The following RANBP2 variants were observed in gnomAD, a reference collection of about 807,000 sequenced individuals.
The protein encoded by RANBP2 is RAN binding protein 2.
In RANBP2, 57 loss-of-function variants were observed where a neutral mutation model predicts 303.6. The ratio of observed to expected loss-of-function variants is 0.19; its 90% CI spans 0.15 to 0.23. The LOEUF (loss-of-function observed/expected upper bound fraction) is 0.23. Among genes scored for constraint, RANBP2 ranks in the 10% least tolerant of loss-of-function variants. The pLI, the probability that RANBP2 is intolerant of heterozygous loss-of-function variation, is 1.00. For synonymous variants in RANBP2, 1,167 were observed against 1,301.5 expected, an observed-to-expected ratio of 0.90 and a Z score of 2.23; for missense variants, 3,138 against 3,780.8, an observed-to-expected ratio of 0.83 and a Z score of 4.46.
chr2:109,631,411 T>C, the RANBP2 span, among the ~76,000 whole-genome samples: 1 of 152,192 alleles, frequency 6.6e-6, no homozygotes, highest in African/African-American at 2.4e-5. Flanking sequence ...GGAAAGTGAG[T>C]TAAGTATATA....
the RANBP2 span, among the ~76,000 whole-genome samples, chr2:109,635,246 C>T: frequency 6.6e-6 from 1 of 151,896 alleles, no homozygotes; most frequent in African/African-American, 2.4e-5. Context: ...GCAGTGGTAC[C>T]ATCTTGGCTC....
At chr2:109,665,118 G>A in the RANBP2 span, 2 of 152,074 alleles carry the variant, frequency 1.3e-5, no homozygotes, top group African/African-American at 4.8e-5. Flanking sequence ...CTACCAGCTT[G>A]GGAACAAATT....
chr2:109,209,840 T>A, the RANBP2 span, among the ~76,000 whole-genome samples: 3 of 152,218 alleles, frequency 2.0e-5, no homozygotes, highest in Non-Finnish European at 4.4e-5. Flanking sequence ...TGACAAAACA[T>A]ATATTACATA....
At chr2:108,857,010 G>A in the RANBP2 span, 1 of 954,526 alleles carries the variant, frequency 1.0e-6, no homozygotes, top group East Asian at 5.6e-5. Flanking sequence ...AAAGCAGGAT[G>A]ATTTTTCTGT....
At chr2:109,111,729 C>T in the RANBP2 span, among the ~76,000 whole-genome samples, 2 of 149,936 alleles carry the variant, frequency 1.3e-5, no homozygotes, top group Non-Finnish European at 3.0e-5. Context: ...TGTGCTGCAC[C>T]CATTAACTCG....
the RANBP2 span, among the ~76,000 whole-genome samples, chr2:109,583,575 T>C: frequency 6.6e-6 from 1 of 152,148 alleles, no homozygotes. Context: ...TGGAAAGCAG[T>C]TTGGAGATTT....
the RANBP2 span, among the ~76,000 whole-genome samples, chr2:109,082,828 T>C: frequency 6.8e-6 from 1 of 147,320 alleles, no homozygotes; most frequent in African/African-American, 2.5e-5. Flanking sequence ...CCCATGTCTT[T>C]TTTTTTTTTT....
chr2:109,129,083 G>A, the RANBP2 span: 1 of 376,398 alleles, frequency 2.7e-6, no homozygotes. Context: ...CGCGGGGGCG[G>A]TGCGGCTCGC....
At chr2:108,929,451 C>CGAG in the RANBP2 span, 1 of 1,513,018 alleles carries the variant, frequency 6.6e-7, no homozygotes, top group Non-Finnish European at 9.2e-7. Flanking sequence ...GCCCACAGTC[C>CGAG]TTGGGCAGTG....
At chr2:108,941,455 C>A in the RANBP2 span, among the ~76,000 whole-genome samples, 5 of 152,168 alleles carry the variant, frequency 3.3e-5, no homozygotes, top group African/African-American at 9.7e-5. Flanking sequence ...AGGCACTGAG[C>A]TTCCAAACAG....
At chr2:108,855,250 CA>C in the RANBP2 span, among the ~76,000 whole-genome samples, 1 of 152,024 alleles carries the variant, frequency 6.6e-6, no homozygotes, top group African/African-American at 2.4e-5. Context: ...AAACCAAATA[CA>C]GTTTTTCTAA....
chr2:109,545,524 G>A, the RANBP2 span: 59 of 1,535,838 alleles, frequency 3.8e-5, no homozygotes, highest in East Asian at 4.9e-5. Context: ...ACAGGAGTTC[G>A]AATCGACAGC....
chr2:109,562,298 CT>C, the RANBP2 span, among the ~76,000 whole-genome samples: 3 of 151,966 alleles, frequency 2.0e-5, no homozygotes, highest in African/African-American at 7.3e-5. Context: ...CTACCCCTCT[CT>C]TTCACGCCTC....
the RANBP2 span, among the ~76,000 whole-genome samples, chr2:109,445,905 C>T: frequency 6.6e-6 from 1 of 152,034 alleles, no homozygotes; most frequent in Admixed American, 6.6e-5. Flanking sequence ...ATACTAGGGA[C>T]ATAGAATGAA....
chr2:109,305,767 A>T, the RANBP2 span, among the ~76,000 whole-genome samples: 1 of 152,212 alleles, frequency 6.6e-6, no homozygotes, highest in Non-Finnish European at 1.5e-5. Flanking sequence ...CGGTTCCCTG[A>T]GACAGATGCC....
the RANBP2 span, among the ~76,000 whole-genome samples, chr2:109,112,797 A>G: frequency 6.6e-6 from 1 of 152,122 alleles, no homozygotes; most frequent in African/African-American, 2.4e-5. Flanking sequence ...ATCCATCTTG[A>G]ATTAATTTTT....
chr2:109,421,639 C>A, the RANBP2 span, among the ~76,000 whole-genome samples: 2 of 152,350 alleles, frequency 1.3e-5, no homozygotes, highest in African/African-American at 2.4e-5. Flanking sequence ...AGCTCTCCAC[C>A]TTCTCCCTCT....
chr2:109,101,967 G>T, the RANBP2 span, among the ~76,000 whole-genome samples: 1 of 152,146 alleles, frequency 6.6e-6, no homozygotes, highest in Non-Finnish European at 1.5e-5. Context: ...GCTCTCAGGT[G>T]GATCAGGGTG....
the RANBP2 span, among the ~76,000 whole-genome samples, chr2:108,808,632 A>G: frequency 6.6e-6 from 1 of 152,128 alleles, no homozygotes; most frequent in Non-Finnish European, 1.5e-5. Context: ...ATTTTTTCAT[A>G]TACCTGTTGG....
Sources: allele counts gnomAD v4.1 joint callset (sites outside exome capture counted in the v4.1 genomes callset), GRCh38; gene constraint gnomAD v4.1.1; transcripts MANE v1.5; gene names NCBI Gene and HGNC (gene_info 2026-07-23, HGNC 2026-07-21).